The following ESPL1 variants were observed in gnomAD, a reference collection of about 807,000 sequenced individuals.
ESPL1 encodes the protein separin.
A neutral mutation model predicts 217.2 loss-of-function variants in ESPL1; 50 were observed. That is an observed-to-expected ratio of 0.23 (90% CI 0.18 to 0.29). The LOEUF (loss-of-function observed/expected upper bound fraction) is 0.29, where lower values mean the gene tolerates loss of function less well. Ranked by LOEUF, ESPL1 falls within the 10% of genes least tolerant of loss-of-function variation. The pLI is 1.00. For synonymous variants in ESPL1, 994 were observed against 1,081.3 expected, an observed-to-expected ratio of 0.92 and a Z score of 1.58; for missense variants, 1,834 against 2,603.0, an observed-to-expected ratio of 0.70 and a Z score of 6.43.
At chr12:53,291,951 GGGGA>G in intron 26 of ESPL1, 29 bp from the exon 27 acceptor site, 1 of 1,608,670 alleles carries the variant, frequency 6.2e-7, no homozygotes, top group South Asian at 1.1e-5. Context: ...ATACCTGGCT[GGGGA>G]CAGTAACCTC....
chr12:53,290,255 C>T, intron 23 of ESPL1, 43 bp downstream of exon 23: 1 of 1,611,962 alleles, frequency 6.2e-7, no homozygotes, highest in South Asian at 1.1e-5. Context: ...CTGGATTGGG[C>T]TTCGGGTCAA....
intron 25 of ESPL1, 91 bp from the exon 26 acceptor site, chr12:53,291,599 G>A (rs1944061477): frequency 7.2e-7 from 1 of 1,379,518 alleles, no homozygotes; most frequent in Admixed American, 2.2e-5. Context: ...AAAAAAAAAA[G>A]AAAACAGGGA....
In ESPL1 at chr12:53,276,800, C is replaced by A. The variant is rs750602674; in HGVS notation, c.1881C>A (p.Thr627=). 6.2e-7 allele frequency: 1 copy of A among 1,613,924 alleles called. No homozygotes were observed. The highest frequency in any genetic ancestry group is 1.1e-5 in the South Asian group (1 of 91,090). ...CAGCCGGGGCCTGGGCACGAGCCAC[C>A]CACCTGGTAGAACTGGCTCAGGTGC... ...ETPAGAWARA[T]HLVELAQVLC... The change falls in exon 8 of 31, where the codon ACC becomes ACA. Residue 627 remains threonine, a synonymous_variant. Transcript: ENST00000257934.
At chr12:53,275,354 G>A (rs1302708453) in intron 7 of ESPL1, among the ~76,000 whole-genome samples, 9 of 152,176 alleles carry the variant, frequency 5.9e-5, no homozygotes, top group Non-Finnish European at 1.0e-4. Context: ...CCAGCTACTC[G>A]GGAGGCTGAG....
Position 53,293,536 on chromosome 12 carries a change from T to C in ESPL1, c.*62T>C. On this transcript the variant is annotated 3_prime_UTR_variant, in exon 31 of 31. Transcript: ENST00000257934. This position sits in a 1 kb window ranked among gnomAD's most constrained non-coding sequence, Gnocchi z 4.2. ...TAACTGTTCTACCTCCAAGGTTAGATTTAATCCTTAGGATAACTCTTTTAA... is the reference window on the plus strand; with the variant it reads ...TAACTGTTCTACCTCCAAGGTTAGACTTAATCCTTAGGATAACTCTTTTAA... The C allele has an allele frequency of 7.9e-7, 1 of 1,263,830 alleles. No homozygotes were observed. Among genetic ancestry groups the C allele is most frequent in the Admixed American group, 1.8e-5 (1 of 56,404 alleles). The allele number at this position is 1,263,830 out of a possible 1,614,324, so 78.3% of individuals were successfully genotyped here.
Position 53,286,506 on chromosome 12 carries a change from G to A in ESPL1, c.3770G>A (p.Arg1257Gln), listed in dbSNP as rs1305320126. 3.1e-6 allele frequency: 5 copies of A among 1,614,072 alleles called. No individual in the cohort carries two copies. Among genetic ancestry groups the A allele is most frequent in the Non-Finnish European group, 4.2e-6 (5 of 1,180,032 alleles). The change falls in exon 18 of 31, where the codon CGG becomes CAG. Residue 1257 changes from arginine to glutamine, a missense_variant. Physicochemically the swap from Arg to Gln is conservative, Grantham distance 43. Around this residue, in one of 5 missense-constraint regions of ESPL1, gnomAD observed 681 missense variants for 808.0 expected, o/e 0.84. Transcript: ENST00000257934. This position sits in a 1 kb window ranked among gnomAD's most constrained non-coding sequence, Gnocchi z 5.3. ...TCAGGGCTGAAGTTTGTAGCAGCACGGATACCCCACCTAGAGCCCTGGCGA... is the reference window on the plus strand; with the variant it reads ...TCAGGGCTGAAGTTTGTAGCAGCACAGATACCCCACCTAGAGCCCTGGCGA... ...LQSGLKFVAA[R>Q]IPHLEPWRAS...
In ESPL1 at chr12:53,268,855, T is replaced by C; in HGVS notation, c.81+8T>C. The stretch of plus-strand genomic sequence containing the variant: ...TTGCTGCCCGCCTTGAAGGTGGGGG[T>C]GCTGCCTGGCTCGGGATACACCTGG... On this transcript the variant is annotated splice_region_variant and intron_variant, in intron 2 of 30. Transcript: ENST00000257934. The C allele has an allele frequency of 6.2e-7, 1 of 1,607,520 alleles. No homozygotes were observed. The highest frequency in any genetic ancestry group is 8.5e-7 in the Non-Finnish European group (1 of 1,176,108).
At chr12:53,277,793 C>T in intron 10 of ESPL1, 28 bp from the exon 11 acceptor site, 3 of 1,611,192 alleles carry the variant, frequency 1.9e-6, no homozygotes, top group Non-Finnish European at 8.5e-7. Flanking sequence ...CATGCTGAGA[C>T]AGCAGTCATT....
chr12:53,277,735 A>G, intron 10 of ESPL1, 86 bp from the exon 11 acceptor site: 2 of 1,578,714 alleles, frequency 1.3e-6, no homozygotes, highest in South Asian at 1.2e-5. Flanking sequence ...AGGTTGGCGT[A>G]AAGGGCAGAG....
chr12:53,283,330 A>G, intron 15 of ESPL1, 52 bp from the exon 16 acceptor site: 1 of 1,612,060 alleles, frequency 6.2e-7, no homozygotes, highest in Non-Finnish European at 8.5e-7. Flanking sequence ...TTTTTTCTCC[A>G]GAGGATCCAC....
chr12:53,284,201 G>A (rs1360799773), intron 17 of ESPL1, 34 bp downstream of exon 17: 1 of 1,306,934 alleles, frequency 7.7e-7, no homozygotes, highest in Admixed American at 1.7e-5. Flanking sequence ...CATAGGCGGT[G>A]CTGAAATGAC....
At chr12:53,285,536 G>A (rs898622353) in intron 17 of ESPL1, among the ~76,000 whole-genome samples, 7 of 152,092 alleles carry the variant, frequency 4.6e-5, no homozygotes, top group South Asian at 2.1e-4. Context: ...GTGAAACCCC[G>A]TCTCCACTAA....
In ESPL1 at chr12:53,282,952, C is replaced by A. The variant is rs575770466; in HGVS notation, c.2792-177C>A. Among the ~76,000 whole-genome samples the A allele has an allele frequency of 2.0e-5, 3 of 152,368 alleles. No individual in the cohort carries two copies. Among genetic ancestry groups the A allele is most frequent in the African/African-American group, 7.2e-5 (3 of 41,594 alleles). ...TACAGGCTTGGGCCACTGCGCCCAGCCAGCTGAAAGGATTCTGAGACCCCA... is the reference window on the plus strand; with the variant it reads ...TACAGGCTTGGGCCACTGCGCCCAGACAGCTGAAAGGATTCTGAGACCCCA... On this transcript the variant is annotated intron_variant, in intron 14 of 30. Transcript: ENST00000257934. The surrounding 1 kb of genome is among the most constrained non-coding windows in gnomAD (Gnocchi z 4.0).
At chr12:53,287,912 T>G in intron 18 of ESPL1, 60 bp from the exon 19 acceptor site, 1 of 1,503,914 alleles carries the variant, frequency 6.6e-7, no homozygotes, top group Non-Finnish European at 8.9e-7. Context: ...CCACCTGCTG[T>G]CACAAGGTGT....
intron 24 of ESPL1, among the ~76,000 whole-genome samples, 161 bp from the exon 25 acceptor site, chr12:53,290,679 GA>G (rs1016491035): frequency 1.3e-5 from 2 of 152,150 alleles, no homozygotes; most frequent in African/African-American, 2.4e-5. Flanking sequence ...AAGATACGCA[GA>G]AAAAAAACGA....
chr12:53,281,833 C>G (rs1269723888), intron 13 of ESPL1, among the ~76,000 whole-genome samples: 1 of 152,130 alleles, frequency 6.6e-6, no homozygotes, highest in African/African-American at 2.4e-5. Flanking sequence ...TTTCCTTCTT[C>G]AGGGGCAAGG....
In ESPL1 at chr12:53,290,334, C is replaced by T. The variant is rs1339790598; in HGVS notation, c.5242-13C>T. 1.2e-6 allele frequency: 2 copies of T among 1,611,968 alleles called. No homozygotes were observed. Among genetic ancestry groups the T allele is most frequent in the African/African-American group, 1.3e-5 (1 of 74,934 alleles). The stretch of plus-strand genomic sequence containing the variant: ...GTGGACAAGCAGAGCTCTCACAGCC[C>T]CATCTCCCAAAGCTTCATCTGCGTT... On this transcript the variant is annotated splice_polypyrimidine_tract_variant and intron_variant, in intron 23 of 30. Coordinates refer to ENST00000257934, the MANE Select transcript of ESPL1 (RefSeq NM_012291.5).
chr12:53,290,330 AG>A lies in ESPL1; in HGVS notation c.5242-16del, dbSNP rs760672138. 6.2e-7 allele frequency: 1 copy of A among 1,612,012 alleles called. No individual in the cohort carries two copies. Among genetic ancestry groups the A allele is most frequent in the Non-Finnish European group, 8.5e-7 (1 of 1,180,030 alleles). On this transcript the variant is annotated splice_polypyrimidine_tract_variant and intron_variant, in intron 23 of 30. Transcript: ENST00000257934. ...TCACGTGGACAAGCAGAGCTCTCAC[AG>A]CCCCATCTCCCAAAGCTTCATCTGC...
At chr12:53,271,860 C>A (rs1943680273) in intron 5 of ESPL1, among the ~76,000 whole-genome samples, 1 of 151,752 alleles carries the variant, frequency 6.6e-6, no homozygotes, top group African/African-American at 2.4e-5. Context: ...GAGGCCGAGG[C>A]GGGCGGATAA....
Sources: gnomAD v4.1 joint callset for allele counts (sites outside exome capture counted in the v4.1 genomes callset) on GRCh38, gnomAD v4.1.1 for gene constraint, gnomAD v4.1.1 regional missense constraint, Gnocchi (gnomAD v3.1) non-coding constraint, MANE v1.5 for transcripts, NCBI Gene and HGNC (gene_info 2026-07-23, HGNC 2026-07-21) for gene names.